Variants in AGAP1 observed in about 807,000 individuals in gnomAD.
The protein encoded by AGAP1 is arf-GAP with GTPase, ANK repeat and PH domain-containing protein 1.
Under a neutral mutation model 105.3 loss-of-function variants are expected in AGAP1, and 29 were observed. The ratio of observed to expected loss-of-function variants is 0.28; its 90% CI spans 0.21 to 0.38. AGAP1 has a LOEUF of 0.38. Among genes scored for constraint, AGAP1 ranks in the 10% least tolerant of loss-of-function variants. AGAP1 has a pLI of 1.00. For missense variants in AGAP1, 998 were observed against 1,165.1 expected, an observed-to-expected ratio of 0.86 and a Z score of 2.09; for synonymous variants, 509 against 485.9, an observed-to-expected ratio of 1.05 and a Z score of -0.63.
Position 235,553,967 on chromosome 2 carries a change from C to G in AGAP1, c.163+59118C>G, listed in dbSNP as rs1203113835. Among the ~76,000 whole-genome samples the G allele has an allele frequency of 2.0e-5, 3 of 152,212 alleles. No individual in the cohort carries two copies. In the East Asian group the frequency reaches 5.8e-4, roughly 29 times the overall value. On this transcript the variant is annotated intron_variant, in intron 1 of 17. Coordinates refer to ENST00000304032, the MANE Select transcript of AGAP1 (RefSeq NM_001037131.3). This position sits in a 1 kb window ranked among gnomAD's most constrained non-coding sequence, Gnocchi z 4.5. ...CCCTCTGAGGTCAGCCCTCCTGGACCCCTTACTGGGTGGACAAAGGTTTTC... is the reference window on the plus strand; with the variant it reads ...CCCTCTGAGGTCAGCCCTCCTGGACGCCTTACTGGGTGGACAAAGGTTTTC...
In AGAP1 at chr2:235,589,189, GTTTTGTTTTTTTTT is replaced by G. The variant is rs1452867884; in HGVS notation, c.163+94345_163+94358del. Among the ~76,000 whole-genome samples, 20 of 54,942 alleles carry G rather than the reference GTTTTGTTTTTTTTT, an allele frequency of 3.6e-4. No individual in the cohort carries two copies. The South Asian group carries it at 5.0e-3, about 14-fold the overall frequency. 36.0% of individuals were successfully genotyped at this position (54,942 alleles called of 152,430 possible). A position where few individuals can be genotyped will look rare whatever the true frequency, so the allele number is the denominator to read the frequency against. ...GAGAACTACCAGTTAATAGCTTATT[GTTTTGTTTTTTTTT>G]TTTTTTTTTTTTTTTTTTTGAGACG... is the stretch of plus-strand genomic sequence containing the variant. On this transcript the variant is annotated intron_variant, in intron 1 of 17. Coordinates refer to ENST00000304032, the MANE Select transcript of AGAP1 (RefSeq NM_001037131.3).
chr2:236,048,248 G>T (rs1286311357), intron 15 of AGAP1, among the ~76,000 whole-genome samples: 4 of 152,200 alleles, frequency 2.6e-5, no homozygotes, highest in African/African-American at 9.6e-5. Context: ...TGAGTTCTTG[G>T]TCTTCTGATG....
At position 236,039,970 on chromosome 2, in the gene AGAP1, G is replaced by A. The variant is rs568005381; in HGVS notation, c.1801-781G>A. The stretch of plus-strand genomic sequence containing the variant: ...TTTTTAAAGAAGACCATAGAGCCAG[G>A]TGTGGTGGCTCACACCTGTAATCTC... On this transcript the variant is annotated intron_variant, in intron 14 of 17. Transcript: ENST00000304032. 1.8e-4 allele frequency among the ~76,000 whole-genome samples: 28 copies of A among 152,126 alleles called. No individual in the cohort carries two copies. In the South Asian group the frequency reaches 5.8e-3, roughly 32 times the overall value.
rs10560456 is a variant in AGAP1 at position 236,054,480 on chromosome 2, T to TAAA, written c.2114+5216_2114+5218dup. On this transcript the variant is annotated intron_variant, in intron 16 of 17. Transcript: ENST00000304032. ...TGACACCTTTTCCTATTTTCTTTCTTAAAAAAAAAAAAAAAAAAAGGGAGG... is the reference window on the plus strand; with the variant it reads ...TGACACCTTTTCCTATTTTCTTTCTTAAAAAAAAAAAAAAAAAAAAAAGGGAGG... 1.6e-3 allele frequency among the ~76,000 whole-genome samples: 181 copies of TAAA among 112,808 alleles called. 1 individual carries two copies. The highest frequency in any genetic ancestry group is 5.5e-3 in the African/African-American group (176 of 31,792). 74.0% of individuals were successfully genotyped at this position (112,808 alleles called of 152,430 possible). A position where few individuals can be genotyped will look rare whatever the true frequency, so the allele number is the denominator to read the frequency against.
In AGAP1 at chr2:236,092,494, G is replaced by A. The variant is rs2059087742; in HGVS notation, c.2115-27698G>A. Among the ~76,000 whole-genome samples, 1 of 152,282 alleles carries A rather than the reference G, an allele frequency of 6.6e-6. No individual in the cohort carries two copies. The highest frequency in any genetic ancestry group is 2.1e-4 in the South Asian group (1 of 4,824). On this transcript the variant is annotated intron_variant, in intron 16 of 17. Coordinates refer to ENST00000304032, the MANE Select transcript of AGAP1 (RefSeq NM_001037131.3). The surrounding 1 kb of genome is among the most constrained non-coding windows in gnomAD (Gnocchi z 4.7). ...TGCAACCTCCGCCTCCCGGGTTCAA[G>A]CAATTCTCCTGCCTCAGCCTCCCGA... is the stretch of plus-strand genomic sequence containing the variant.
intron 13 of AGAP1, among the ~76,000 whole-genome samples, chr2:235,984,673 A>T (rs1009265653): frequency 6.6e-6 from 1 of 152,018 alleles, no homozygotes; most frequent in African/African-American, 2.4e-5. Context: ...TCGATGTTCA[A>T]TTCCCACTTA....
rs960803812 is a variant in AGAP1 at position 236,092,255 on chromosome 2, G to A, written c.2115-27937G>A. Among the ~76,000 whole-genome samples, 43 of 152,272 alleles carry A rather than the reference G, an allele frequency of 2.8e-4. No individual in the cohort carries two copies. The highest frequency in any genetic ancestry group is 1.0e-3 in the African/African-American group (42 of 41,556). Reference sequence around the variant, plus strand: ...AATACAAATGACCACAAGGAAAATCGGAAATGTGGACAAGCCAGGTGGGTT... The same window carrying A: ...AATACAAATGACCACAAGGAAAATCAGAAATGTGGACAAGCCAGGTGGGTT... On this transcript the variant is annotated intron_variant, in intron 16 of 17. Coordinates refer to ENST00000304032, the MANE Select transcript of AGAP1 (RefSeq NM_001037131.3). This position sits in a 1 kb window ranked among gnomAD's most constrained non-coding sequence, Gnocchi z 4.7.
At chr2:235,902,644 A>G (rs2051122388) in intron 10 of AGAP1, among the ~76,000 whole-genome samples, 3 of 152,236 alleles carry the variant, frequency 2.0e-5, no homozygotes, top group Non-Finnish European at 2.9e-5. Context: ...TGCCACATAC[A>G]TAGAACTGAA....
At chr2:235,823,017 C>T (rs539129170) in intron 9 of AGAP1, among the ~76,000 whole-genome samples, 5 of 152,184 alleles carry the variant, frequency 3.3e-5, no homozygotes, top group Middle Eastern at 3.4e-3. Context: ...TTCACAAAGG[C>T]GCTGCCACAA....
intron 1 of AGAP1, among the ~76,000 whole-genome samples, chr2:235,672,499 A>G (rs763201979): frequency 6.6e-6 from 1 of 152,230 alleles, no homozygotes; most frequent in Non-Finnish European, 1.5e-5. Context: ...CACTGTATTT[A>G]ACTCCAACCA....
chr2:235,886,224 C>T (rs2050268552), intron 10 of AGAP1, among the ~76,000 whole-genome samples: 1 of 152,212 alleles, frequency 6.6e-6, no homozygotes, highest in Middle Eastern at 3.2e-3. Context: ...TTGAACCAGT[C>T]GCTTTATGTA....
At chr2:235,922,678 T>G (rs1274153675) in intron 11 of AGAP1, among the ~76,000 whole-genome samples, 1 of 152,214 alleles carries the variant, frequency 6.6e-6, no homozygotes, top group East Asian at 1.9e-4. Flanking sequence ...GCTAATAGCT[T>G]AAAAGAGGGA....
At chr2:235,767,983 C>A (rs1257554379) in intron 6 of AGAP1, among the ~76,000 whole-genome samples, 1 of 152,060 alleles carries the variant, frequency 6.6e-6, no homozygotes, top group African/African-American at 2.4e-5. Flanking sequence ...GACAGGGTTA[C>A]ACCATGTTGG....
At chr2:235,775,139 G>C (rs185089496) in intron 6 of AGAP1, among the ~76,000 whole-genome samples, 1 of 152,208 alleles carries the variant, frequency 6.6e-6, no homozygotes, top group Non-Finnish European at 1.5e-5. Flanking sequence ...CAGAGAAGGT[G>C]AGTGGGGACA....
Position 235,598,779 on chromosome 2 carries a change from G to A in AGAP1, c.163+103930G>A, listed in dbSNP as rs573074987. On this transcript the variant is annotated intron_variant, in intron 1 of 17. Transcript: ENST00000304032. Reference sequence around the variant, plus strand: ...AGGGCTGTGTGTTTGGTGCACAGTGGGACGTCTTAGTCCCACTACCTCAGC... The same window carrying A: ...AGGGCTGTGTGTTTGGTGCACAGTGAGACGTCTTAGTCCCACTACCTCAGC... Among the ~76,000 whole-genome samples the A allele has an allele frequency of 3.3e-3, 508 of 152,254 alleles. 5 individuals carry two copies. Among genetic ancestry groups the A allele is most frequent in the African/African-American group, 0.012 (496 of 41,544 alleles).
At chr2:235,915,428 A>G (rs2051826520) in intron 11 of AGAP1, among the ~76,000 whole-genome samples, 1 of 152,136 alleles carries the variant, frequency 6.6e-6, no homozygotes, top group Admixed American at 6.5e-5. Flanking sequence ...TAATCCCAGC[A>G]CTTTGAGAGG....
At chr2:235,585,051 T>C (rs1945061367) in intron 1 of AGAP1, among the ~76,000 whole-genome samples, 1 of 152,044 alleles carries the variant, frequency 6.6e-6, no homozygotes, top group African/African-American at 2.4e-5. Flanking sequence ...GAGACTCTTG[T>C]GGATATCTTG....
intron 1 of AGAP1, among the ~76,000 whole-genome samples, chr2:235,554,860 A>G (rs771665098): frequency 3.4e-4 from 52 of 152,030 alleles, no homozygotes; most frequent in Non-Finnish European, 6.8e-4. Context: ...AGTGGAGACA[A>G]GGTTTCACCA....
chr2:236,112,506 A>G (rs908850368), intron 16 of AGAP1, among the ~76,000 whole-genome samples: 3 of 151,840 alleles, frequency 2.0e-5, no homozygotes, highest in Non-Finnish European at 4.4e-5. Context: ...GCTTCTCTCC[A>G]TCCCCCGTTC....
Sources: allele counts gnomAD v4.1 joint callset (sites outside exome capture counted in the v4.1 genomes callset), GRCh38; gene constraint gnomAD v4.1.1; non-coding constraint Gnocchi (gnomAD v3.1); transcripts MANE v1.5; gene names NCBI Gene and HGNC (gene_info 2026-07-23, HGNC 2026-07-21).